Variants in SEC24A observed in about 807,000 individuals in gnomAD.
SEC24A encodes protein transport protein Sec24A.
A neutral mutation model predicts 129.4 loss-of-function variants in SEC24A; 93 were observed. The ratio of observed to expected loss-of-function variants is 0.72; its 90% CI spans 0.61 to 0.85. The LOEUF (loss-of-function observed/expected upper bound fraction) is 0.85. Among genes scored for constraint, SEC24A ranks in the 40% least tolerant of loss-of-function variants. The pLI is 0.00. For synonymous variants in SEC24A, 460 were observed against 467.3 expected (o/e 0.98, Z 0.20); for missense variants, 1,264 against 1,307.4 (o/e 0.97, Z 0.51).
At chr5:134,714,750 T>TGTTTAGATCTATTTTATCAACTA (rs1752429406) in intron 18 of SEC24A, among the ~76,000 whole-genome samples, 1 of 152,124 alleles carries the variant, frequency 6.6e-6, no homozygotes, top group Non-Finnish European at 1.5e-5. Context: ...GTAGATAGAG[T>TGTTTAGATCTATTTTATCAACTA]GTTTAGATCT....
chr5:134,668,164 A>T (rs972979056), intron 3 of SEC24A, among the ~76,000 whole-genome samples: 12 of 152,174 alleles, frequency 7.9e-5, no homozygotes, highest in African/African-American at 2.7e-4. Context: ...TTGCAGCAAG[A>T]TGTAGAAAAC....
At chr5:134,715,909 TG>T (rs1385519981) in intron 19 of SEC24A, among the ~76,000 whole-genome samples, 1 of 149,270 alleles carries the variant, frequency 6.7e-6, no homozygotes, top group Non-Finnish European at 1.5e-5. Flanking sequence ...TTCTGGGGAA[TG>T]GGGGTTTTTT....
At chr5:134,694,430 C>T (rs989987103) in intron 13 of SEC24A, among the ~76,000 whole-genome samples, 13 of 152,080 alleles carry the variant, frequency 8.5e-5, no homozygotes, top group African/African-American at 3.1e-4. Context: ...GAGGCTGAGG[C>T]GGGCGGATCA....
rs1749963942 is a variant in SEC24A, at chr5:134,649,192, G to A, written c.97+19G>A. The A allele has an allele frequency of 1.3e-6, 2 of 1,573,348 alleles. No homozygotes were observed. Among genetic ancestry groups the A allele is most frequent in the South Asian group, 1.1e-5 (1 of 88,104 alleles). On this transcript the variant is annotated intron_variant, in intron 1 of 22. Transcript: ENST00000398844. ...ACCAACGGTGAGTGCTGTCCGGGGG[G>A]AGGGCGCAGCCTGGCCAGGGCTGAC...
intron 17 of SEC24A, among the ~76,000 whole-genome samples, chr5:134,707,323 TTTTA>T (rs1365526705): frequency 6.6e-6 from 1 of 151,890 alleles, no homozygotes; most frequent in African/African-American, 2.4e-5. Flanking sequence ...ACTGCCTTTA[TTTTA>T]TTTATTTATT....
intron 1 of SEC24A, among the ~76,000 whole-genome samples, chr5:134,658,766 AC>A (rs1156826284): frequency 6.6e-6 from 1 of 152,132 alleles, no homozygotes; most frequent in African/African-American, 2.4e-5. Context: ...TGGAAAACAG[AC>A]GACTTATAGG....
chr5:134,689,631 C>T (rs184901886), intron 11 of SEC24A, among the ~76,000 whole-genome samples: 62 of 152,060 alleles, frequency 4.1e-4, no homozygotes, highest in African/African-American at 1.3e-3. Context: ...CGTGGTGGTG[C>T]GTACCTGTAG....
At position 134,649,156 on chromosome 5, in the gene SEC24A, G is replaced by C; in HGVS notation, c.80G>C (p.Gly27Ala). Residue 27 changes from glycine to alanine, a missense_variant, in exon 1 of 23, where the codon GGG becomes GCG. By Grantham distance (60) the Gly-to-Ala change is moderately conservative. Transcript: ENST00000398844. ...CAGAACGGAGCCGCCTTGGCCTCGG[G>C]GTCTCCCTACACCAACGGTGAGTGC... Reference protein sequence around the residue: ...QAQNGAALASGSPYTNGPVQN... With the variant: ...QAQNGAALASASPYTNGPVQN... The C allele has an allele frequency of 6.2e-7, 1 of 1,609,612 alleles. No individual in the cohort carries two copies. The highest frequency in any genetic ancestry group is 8.5e-7 in the Non-Finnish European group (1 of 1,178,194).
intron 18 of SEC24A, among the ~76,000 whole-genome samples, chr5:134,710,212 CTTT>C (rs77965512): frequency 7.0e-6 from 1 of 142,268 alleles, no homozygotes; most frequent in African/African-American, 2.6e-5. Flanking sequence ...TAATCTTCTT[CTTT>C]TTTTTTTTTT....
At chr5:134,692,973 T>C in intron 12 of SEC24A, 1 of 1,393,288 alleles carries the variant, frequency 7.2e-7, no homozygotes, top group South Asian at 1.2e-5. Flanking sequence ...TTCTGGTCAC[T>C]ACATAGAAGC....
chr5:134,652,590 T>C (rs959926979), intron 1 of SEC24A, among the ~76,000 whole-genome samples: 16 of 151,806 alleles, frequency 1.1e-4, no homozygotes, highest in African/African-American at 3.6e-4. Flanking sequence ...CTGGCCAGTT[T>C]GGTGTTTTTT....
intron 16 of SEC24A, among the ~76,000 whole-genome samples, chr5:134,704,968 G>T (rs1455366935): frequency 6.6e-6 from 1 of 151,078 alleles, no homozygotes; most frequent in Non-Finnish European, 1.5e-5. Flanking sequence ...ACAGGTGTGA[G>T]CCACTGTGTC....
chr5:134,676,100 T>C lies in SEC24A; in HGVS notation c.1229T>C (p.Leu410Pro). Residue 410 changes from leucine to proline, a missense_variant, in exon 7 of 23, where the codon CTG becomes CCG. Leu to Pro is a moderately conservative substitution (Grantham distance 98). Transcript: ENST00000398844. ...AAAGCCAAACTTCCTTTGGGGCTGC[T>C]GCTTCATCCTTTCAAAGACTTAGTG... ...LNKAKLPLGL[L>P]LHPFKDLVQL... 6.2e-7 allele frequency: 1 copy of C among 1,612,294 alleles called. No homozygotes were observed. The highest frequency in any genetic ancestry group is 8.5e-7 in the Non-Finnish European group (1 of 1,179,138).
At position 134,727,048 on chromosome 5, in the gene SEC24A, C is replaced by A. The variant is rs545894026; in HGVS notation, c.*1954C>A. The A allele has an allele frequency of 1.7e-4, 26 of 152,586 alleles. No homozygotes were observed. Among genetic ancestry groups the A allele is most frequent in the African/African-American group, 5.8e-4 (24 of 41,526 alleles). The allele number at this position is 152,586 out of a possible 1,614,324, so 9.5% of individuals were successfully genotyped here. ...GAAAAACATAACTTTAGTTAGGATT[C>A]ACAATATTTGTTCTCCACATAATGA... On this transcript the variant is annotated 3_prime_UTR_variant, in exon 23 of 23. Transcript: ENST00000398844.
chr5:134,724,582 C>A (rs1752714095), intron 22 of SEC24A, among the ~76,000 whole-genome samples: 1 of 150,192 alleles, frequency 6.7e-6, no homozygotes, highest in Non-Finnish European at 1.5e-5. Flanking sequence ...GAGTAAAACT[C>A]CATCTCAAAA....
chr5:134,715,986 ACACC>A (rs1233583038), intron 19 of SEC24A, among the ~76,000 whole-genome samples: 38 of 152,232 alleles, frequency 2.5e-4, no homozygotes, highest in African/African-American at 8.7e-4. Flanking sequence ...TTACATCTGA[ACACC>A]CAGTTCAATG....
At position 134,697,966 on chromosome 5, in the gene SEC24A, A is replaced by C; in HGVS notation, c.2175A>C (p.Pro725=). The C allele has an allele frequency of 2.5e-6, 4 of 1,614,026 alleles. No individual in the cohort carries two copies. The highest frequency in any genetic ancestry group is 3.4e-6 in the Non-Finnish European group (4 of 1,179,908). Residue 725 remains proline, a synonymous_variant, in exon 15 of 23, where the codon CCA becomes CCC. Transcript: ENST00000398844. ...YYPSYHHQHN[P]VQVQKLQKEL... ...CCTCTTACCATCATCAGCACAACCC[A>C]GTCCAAGTACAGAAATTACAGAAGG...
intron 2 of SEC24A, among the ~76,000 whole-genome samples, chr5:134,662,481 C>T (rs905122982): frequency 4.6e-5 from 7 of 152,124 alleles, no homozygotes; most frequent in Non-Finnish European, 1.5e-5. Context: ...GTATTGGGAT[C>T]TGCAGGTTGA....
intron 7 of SEC24A, among the ~76,000 whole-genome samples, chr5:134,677,800 T>A (rs1288038782): frequency 3.3e-5 from 5 of 149,692 alleles, no homozygotes; most frequent in Non-Finnish European, 7.4e-5. Flanking sequence ...TCCCACACTG[T>A]ACTCCAGTCT....
Sources: allele counts gnomAD v4.1 joint callset (sites outside exome capture counted in the v4.1 genomes callset), GRCh38; gene constraint gnomAD v4.1.1; transcripts MANE v1.5; gene names NCBI Gene and HGNC (gene_info 2026-07-23, HGNC 2026-07-21).